SLC23A1: variants seen among roughly 807,000 people sequenced by gnomAD.
SLC23A1 encodes the protein solute carrier family 23 member 1, also known as Na(+)/L-ascorbic acid transporter 1.
In SLC23A1, 31 loss-of-function variants were observed where a neutral mutation model predicts 62.5. The observed-to-expected ratio is 0.50, with a 90% CI of 0.37 to 0.67. The LOEUF (loss-of-function observed/expected upper bound fraction) is 0.67, where lower values mean the gene tolerates loss of function less well. SLC23A1 is among the 30% of genes least tolerant of loss of function. The pLI is 0.00. For missense variants in SLC23A1, 640 were observed against 782.7 expected, an observed-to-expected ratio of 0.82 and a Z score of 2.18; for synonymous variants, 271 against 313.2, an observed-to-expected ratio of 0.87 and a Z score of 1.42.
At chr5:139,382,750 G>A (rs1581382789) in intron 1 of SLC23A1, 145 bp from the exon 2 acceptor site, 4 of 617,786 alleles carry the variant, frequency 6.5e-6, no homozygotes, top group Admixed American at 3.1e-5. Context: ...CCATCCACCC[G>A]GGTGCCACTT....
At chr5:139,368,599 G>T (rs1474158076) in intron 14 of SLC23A1, 3 of 627,758 alleles carry the variant, frequency 4.8e-6, no homozygotes, top group Non-Finnish European at 8.6e-6. Context: ...TCCTTTTTGG[G>T]GTTTAGTATA....
At chr5:139,384,174 GC>G (rs1183366419), upstream of SLC23A1, among the ~76,000 whole-genome samples, 2 of 152,260 alleles carry the variant, frequency 1.3e-5, no homozygotes, top group Non-Finnish European at 2.9e-5. Flanking sequence ...GCAGTCCTAT[GC>G]CCAGCCTGTC....
In SLC23A1 at chr5:139,379,558, G is replaced by A; in HGVS notation, c.925+120C>T. 1 of 1,115,770 alleles carries A rather than the reference G, an allele frequency of 9.0e-7. No homozygotes were observed. Among genetic ancestry groups the A allele is most frequent in the Non-Finnish European group, 1.3e-6 (1 of 748,786 alleles). The allele number at this position is 1,115,770 out of a possible 1,614,324, so 69.1% of individuals were successfully genotyped here. A position where few individuals can be genotyped will look rare whatever the true frequency, so the allele number is the denominator to read the frequency against. On this transcript the variant is annotated intron_variant, in intron 8 of 14. Transcript: ENST00000348729. The surrounding 1 kb of genome is among the most constrained non-coding windows in gnomAD (Gnocchi z 4.7). ...TGTCTAAGTAAAACACCACTCTGCT[G>A]GGCGCACTATAAATGTGCGGCTAAT...
chr5:139,372,569 T>TTTTTA (rs536577104), intron 13 of SLC23A1, among the ~76,000 whole-genome samples: 5 of 152,094 alleles, frequency 3.3e-5, no homozygotes, highest in African/African-American at 7.2e-5. Context: ...ATTGTACAAA[T>TTTTTA]TTTTATTTTA....
chr5:139,368,751 C>G, intron 14 of SLC23A1: 3 of 1,612,882 alleles, frequency 1.9e-6, no homozygotes, highest in Non-Finnish European at 2.5e-6. Flanking sequence ...CAATCTGAAT[C>G]CAAATGCAAA....
In SLC23A1 at chr5:139,379,124, C is replaced by A; in HGVS notation, c.1073+83G>T. The A allele has an allele frequency of 6.9e-7, 1 of 1,450,028 alleles. No homozygotes were observed. Among genetic ancestry groups the A allele is most frequent in the Non-Finnish European group, 9.6e-7 (1 of 1,041,490 alleles). 89.8% of individuals were successfully genotyped at this position (1,450,028 alleles called of 1,614,324 possible). ...TGTTCCCGACTTGCCTAAGCCTACC[C>A]CCTGGGCCTCCACCCCGTTCCTGTG... On this transcript the variant is annotated intron_variant, in intron 9 of 14. Transcript: ENST00000348729. This position sits in a 1 kb window ranked among gnomAD's most constrained non-coding sequence, Gnocchi z 4.7.
chr5:139,371,713 C>T (rs774368382), intron 14 of SLC23A1, among the ~76,000 whole-genome samples: 9 of 152,188 alleles, frequency 5.9e-5, no homozygotes, highest in Non-Finnish European at 1.0e-4. Flanking sequence ...CCAGATTCTG[C>T]CCAGGTGTCT....
chr5:139,376,384 T>G lies in SLC23A1; in HGVS notation c.1549+1018A>C, dbSNP rs1019799135. On this transcript the variant is annotated intron_variant, in intron 13 of 14. Transcript: ENST00000348729. The stretch of plus-strand genomic sequence containing the variant: ...GGGGTTTCACCATGTTGGCCAGGCT[T>G]GTCTCAAACTCCTGACCTCGTGATC... 1.5e-4 allele frequency among the ~76,000 whole-genome samples: 23 copies of G among 152,080 alleles called. No homozygotes were observed. The East Asian group carries it at 3.5e-3, about 23-fold the overall frequency.
Position 139,372,080 on chromosome 5 carries a change from A to T in SLC23A1, c.1723T>A (p.Ser575Thr), listed in dbSNP as rs758454087. The T allele has an allele frequency of 1.9e-6, 3 of 1,612,968 alleles. No individual in the cohort carries two copies. In the South Asian group the frequency reaches 3.3e-5, roughly 18 times the overall value. ...TCTGGAATTGCAATCTGATCTTTTG[A>T]ACTTGAAGAAAATCCTTTGAAGACT... ...CPVFKGFSSS[S>T]KDQIAIPEDT... Residue 575 changes from serine to threonine, a missense_variant, in exon 14 of 15, where the codon TCA becomes ACA. Ser to Thr is a moderately conservative substitution (Grantham distance 58). Coordinates refer to ENST00000348729, the MANE Select transcript of SLC23A1 (RefSeq NM_005847.5).
upstream of SLC23A1, among the ~76,000 whole-genome samples, chr5:139,385,604 A>G (rs777359924): frequency 1.1e-4 from 17 of 152,152 alleles, no homozygotes; most frequent in Non-Finnish European, 2.2e-4. Flanking sequence ...AAGACCTGGG[A>G]TGTCACTGAA....
At chr5:139,382,120 G>A in intron 2 of SLC23A1, 71 bp from the exon 3 acceptor site, 2 of 1,467,436 alleles carry the variant, frequency 1.4e-6, no homozygotes, top group Non-Finnish European at 1.9e-6. Flanking sequence ...ACAACCTAGT[G>A]TCCTCATGCC....
intron 1 of SLC23A1, among the ~76,000 whole-genome samples, chr5:139,382,988 G>A (rs1018698047): frequency 1.3e-5 from 2 of 152,170 alleles, no homozygotes; most frequent in Non-Finnish European, 2.9e-5. Context: ...CACTGGCCGG[G>A]AGATTAGGCC....
intron 3 of SLC23A1, among the ~76,000 whole-genome samples, chr5:139,381,545 G>A (rs897815000): frequency 1.3e-5 from 2 of 150,900 alleles, no homozygotes; most frequent in Non-Finnish European, 3.0e-5. Context: ...CCCGGGAGGT[G>A]GTGGTTGTGG....
rs1757448654 is a variant in SLC23A1, at chr5:139,368,623, A to G, written c.*20-992T>C. ...GGGTTTAGTATAGTCTTACAGACTG[A>G]GTTCTTTTGTCTTTTTTTTTTTGGA... On this transcript the variant is annotated intron_variant, in intron 14 of 14. Coordinates refer to ENST00000348729, the MANE Select transcript of SLC23A1 (RefSeq NM_005847.5). 14 of 732,844 alleles carry G rather than the reference A, an allele frequency of 1.9e-5. No homozygotes were observed. In the South Asian group the frequency reaches 2.3e-4, roughly 12 times the overall value. 45.4% of individuals were successfully genotyped at this position (732,844 alleles called of 1,614,324 possible). A position where few individuals can be genotyped will look rare whatever the true frequency, so the allele number is the denominator to read the frequency against.
At chr5:139,373,668 A>G (rs900518038) in intron 13 of SLC23A1, among the ~76,000 whole-genome samples, 2 of 152,210 alleles carry the variant, frequency 1.3e-5, no homozygotes, top group African/African-American at 4.8e-5. Flanking sequence ...TTATGTTCCA[A>G]AATCTCACAG....
intron 13 of SLC23A1, among the ~76,000 whole-genome samples, chr5:139,372,705 C>G (rs1757739948): frequency 6.6e-6 from 1 of 152,156 alleles, no homozygotes; most frequent in Non-Finnish European, 1.5e-5. Context: ...CTGCCTCAGT[C>G]TCCTTAGTAG....
chr5:139,385,496 G>A (rs769349998), upstream of SLC23A1, among the ~76,000 whole-genome samples: 24 of 144,534 alleles, frequency 1.7e-4, no homozygotes, highest in South Asian at 1.4e-3. Flanking sequence ...GTGTGTTCTC[G>A]GAGGGGTGCA....
In SLC23A1 at chr5:139,378,049, A is replaced by T; in HGVS notation, c.1379T>A (p.Val460Glu). ...VDMNSSRNLF[V>E]LGFSMFFGLT... is the part of the protein sequence containing the mutation. The stretch of plus-strand genomic sequence containing the variant: ...CCCGAAGAACATGGAAAATCCCAGC[A>T]CGAAGAGGTTGCGAGAGGAGTTCAT... The change falls in exon 12 of 15, where the codon GTG becomes GAG. Residue 460 changes from valine (V) to glutamate (E), a missense_variant. Transcript: ENST00000348729. This position sits in a 1 kb window ranked among gnomAD's most constrained non-coding sequence, Gnocchi z 4.5. 6.2e-7 allele frequency: 1 copy of T among 1,614,202 alleles called. No individual in the cohort carries two copies. Among genetic ancestry groups the T allele is most frequent in the Non-Finnish European group, 8.5e-7 (1 of 1,180,032 alleles).
At chr5:139,376,658 T>C (rs1757963140) in intron 13 of SLC23A1, among the ~76,000 whole-genome samples, 1 of 152,226 alleles carries the variant, frequency 6.6e-6, no homozygotes, top group Non-Finnish European at 1.5e-5. Context: ...CCACGATCTT[T>C]GCAAAAAGCT....
Sources: allele counts gnomAD v4.1 joint callset (sites outside exome capture counted in the v4.1 genomes callset), GRCh38; gene constraint gnomAD v4.1.1; non-coding constraint Gnocchi (gnomAD v3.1); transcripts MANE v1.5; gene names NCBI Gene and HGNC (gene_info 2026-07-23, HGNC 2026-07-21).